RIMS2: variants seen among roughly 807,000 people sequenced by gnomAD.
RIMS2 encodes regulating synaptic membrane exocytosis protein 2.
A neutral mutation model predicts 174.4 loss-of-function variants in RIMS2; 59 were observed. The observed-to-expected ratio is 0.34, with a 90% CI of 0.27 to 0.42. The LOEUF (loss-of-function observed/expected upper bound fraction) is 0.42. RIMS2 is among the 10% of genes least tolerant of loss of function. The pLI, the probability that RIMS2 is intolerant of heterozygous loss-of-function variation, is 1.00. For synonymous variants in RIMS2, 606 were observed against 572.5 expected (o/e 1.06, Z -0.84); for missense variants, 1,620 against 1,666.3 (o/e 0.97, Z 0.48).
At chr8:103,707,161 CT>C (rs1363094017) in intron 2 of RIMS2, among the ~76,000 whole-genome samples, 1 of 152,064 alleles carries the variant, frequency 6.6e-6, no homozygotes, top group East Asian at 1.9e-4. Context: ...TGATAAATAT[CT>C]GAATTCCTTC....
intron 1 of RIMS2, among the ~76,000 whole-genome samples, chr8:103,672,266 T>C (rs2096754257): frequency 6.6e-6 from 1 of 152,144 alleles, no homozygotes; most frequent in Non-Finnish European, 1.5e-5. Context: ...CTATCTCTTA[T>C]TAATATTATA....
At chr8:104,126,341 C>T (rs1235929428) in intron 19 of RIMS2, among the ~76,000 whole-genome samples, 5 of 152,150 alleles carry the variant, frequency 3.3e-5, no homozygotes, top group African/African-American at 1.2e-4. Context: ...TTCAAACTCA[C>T]TTGGGGATAT....
intron 19 of RIMS2, among the ~76,000 whole-genome samples, chr8:104,091,594 A>G (rs932142726): frequency 7.3e-5 from 11 of 150,250 alleles, no homozygotes; most frequent in African/African-American, 2.4e-4. Flanking sequence ...AAATATGTAT[A>G]GATATATCAT....
chr8:104,055,899 TC>T, intron 19 of RIMS2, among the ~76,000 whole-genome samples: 1 of 152,208 alleles, frequency 6.6e-6, no homozygotes, highest in South Asian at 2.1e-4. Context: ...CTTCCTCTCT[TC>T]CTCTTTCTTT....
chr8:103,826,936 G>A (rs922394901), intron 3 of RIMS2, among the ~76,000 whole-genome samples: 6 of 151,714 alleles, frequency 4.0e-5, no homozygotes, highest in East Asian at 1.9e-4. Flanking sequence ...TTGGCCTCCC[G>A]AAGCACTGGG....
chr8:103,578,357 C>G (rs2093388768), intron 1 of RIMS2, among the ~76,000 whole-genome samples: 1 of 151,856 alleles, frequency 6.6e-6, no homozygotes. Context: ...TGGTGAAACC[C>G]CATCTCTGCT....
chr8:103,871,329 G>A (rs2099110593), intron 3 of RIMS2, among the ~76,000 whole-genome samples: 1 of 152,170 alleles, frequency 6.6e-6, no homozygotes, highest in African/African-American at 2.4e-5. Flanking sequence ...GGGAGGCAGA[G>A]GTTGCAGTGA....
chr8:104,074,755 AT>A (rs773209790), intron 19 of RIMS2, among the ~76,000 whole-genome samples: 81 of 152,274 alleles, frequency 5.3e-4, no homozygotes, highest in Middle Eastern at 3.4e-3. Flanking sequence ...AATTACTGAA[AT>A]TAAGAAATTA....
At chr8:104,146,021 C>A (rs1422401610) in intron 19 of RIMS2, among the ~76,000 whole-genome samples, 1 of 151,752 alleles carries the variant, frequency 6.6e-6, no homozygotes, top group Non-Finnish European at 1.5e-5. Context: ...CCCTGGTGAT[C>A]TCTAAGTTTC....
At chr8:104,052,873 A>G (rs2096809799) in intron 19 of RIMS2, among the ~76,000 whole-genome samples, 2 of 152,212 alleles carry the variant, frequency 1.3e-5, no homozygotes, top group African/African-American at 4.8e-5. Context: ...GCGGAAAGCT[A>G]TAGCAACACT....
chr8:104,213,382 A>G (rs2099114114), intron 19 of RIMS2, among the ~76,000 whole-genome samples: 1 of 152,162 alleles, frequency 6.6e-6, no homozygotes, highest in Non-Finnish European at 1.5e-5. Context: ...CTGTCATTAC[A>G]CTTTGCAGTT....
exon 4 of RIMS2, chr8:103,885,361 G>C (rs1257556795): frequency 6.2e-7 from 1 of 1,611,926 alleles, no homozygotes; most frequent in African/African-American, 1.3e-5. Flanking sequence ...AAGAAAGAGA[G>C]GAATATTCAC....
Position 104,075,942 on chromosome 8 carries a change from T to TTCTAAGCTGTCTAAGTTGCTTG in RIMS2, c.3334+61330_3334+61351dup, listed in dbSNP as rs2097282252. Among the ~76,000 whole-genome samples, 3 of 152,202 alleles carry TTCTAAGCTGTCTAAGTTGCTTG rather than the reference T, an allele frequency of 2.0e-5. No homozygotes were observed. The South Asian group carries it at 6.2e-4, about 31-fold the overall frequency. The stretch of plus-strand genomic sequence containing the variant: ...CCTGGCCCCAAACCAGGCCACAGTC[T>TTCTAAGCTGTCTAAGTTGCTTG]TCTAAGCTGTCTAAGTTGCTTGTCC... On this transcript the variant is annotated intron_variant, in intron 19 of 23. Coordinates refer to ENST00000504942, the Ensembl canonical transcript of RIMS2.
At chr8:103,529,084 G>A (rs1368491469) in intron 1 of RIMS2, among the ~76,000 whole-genome samples, 1 of 152,120 alleles carries the variant, frequency 6.6e-6, no homozygotes, top group Non-Finnish European at 1.5e-5. Context: ...GTGGTTTATA[G>A]TTCTCCTTGA....
At chr8:103,627,848 T>C (rs1024227180) in intron 1 of RIMS2, among the ~76,000 whole-genome samples, 3 of 152,226 alleles carry the variant, frequency 2.0e-5, no homozygotes, top group Non-Finnish European at 2.9e-5. Flanking sequence ...ATACCTTTCT[T>C]CATGCTTTAA....
At chr8:104,199,535 G>A (rs1222794608) in intron 19 of RIMS2, among the ~76,000 whole-genome samples, 1 of 152,096 alleles carries the variant, frequency 6.6e-6, no homozygotes, top group African/African-American at 2.4e-5. Context: ...AACTGAAATC[G>A]TCAGTATGCC....
chr8:103,656,598 T>C (rs1041092699), intron 1 of RIMS2, among the ~76,000 whole-genome samples: 1 of 152,212 alleles, frequency 6.6e-6, no homozygotes, highest in African/African-American at 2.4e-5. Context: ...GGTTTGATTT[T>C]TGATATGTGA....
At chr8:104,136,865 G>T (rs2098525191) in intron 19 of RIMS2, among the ~76,000 whole-genome samples, 1 of 151,806 alleles carries the variant, frequency 6.6e-6, no homozygotes, top group Non-Finnish European at 1.5e-5. Flanking sequence ...TTAATACCTG[G>T]GTAATGAGAT....
intron 1 of RIMS2, among the ~76,000 whole-genome samples, chr8:103,542,880 A>G (rs1164758801): frequency 6.6e-6 from 1 of 152,176 alleles, no homozygotes; most frequent in African/African-American, 2.4e-5. Flanking sequence ...CCTCAACACA[A>G]TACAGGCGTT....
Sources: gnomAD v4.1 joint callset for allele counts (sites outside exome capture counted in the v4.1 genomes callset) on GRCh38, gnomAD v4.1.1 for gene constraint, MANE v1.5 for transcripts, NCBI Gene and HGNC (gene_info 2026-07-23, HGNC 2026-07-21) for gene names.